The following FCHSD2 variants were observed in gnomAD, a reference collection of about 807,000 sequenced individuals.
The protein encoded by FCHSD2 is F-BAR and double SH3 domains protein 2.
In FCHSD2, 38 loss-of-function variants were observed where a neutral mutation model predicts 108.1. The ratio of observed to expected loss-of-function variants is 0.35; its 90% CI spans 0.27 to 0.46. The LOEUF is 0.46. FCHSD2 is among the 20% of genes least tolerant of loss of function. The pLI is 1.00. For synonymous variants in FCHSD2, 279 were observed against 314.7 expected (o/e 0.89, Z 1.20); for missense variants, 751 against 897.8 (o/e 0.84, Z 2.09).
intron 2 of FCHSD2, among the ~76,000 whole-genome samples, chr11:73,101,572 G>A (rs1013649796): frequency 2.0e-5 from 3 of 151,846 alleles, no homozygotes; most frequent in Non-Finnish European, 4.4e-5. Context: ...CGAGTAGCTG[G>A]GGCTACAGAT....
At position 72,921,969 on chromosome 11, in the gene FCHSD2, T is replaced by A. The variant is rs1372458778; in HGVS notation, c.706-19A>T. ...CAAGAGCCTGTAATAGAGGAGTAAA[T>A]AAAAGAAAAAAAATTACAGTAAAGC... On this transcript the variant is annotated intron_variant, in intron 8 of 19. Coordinates refer to ENST00000409418, the MANE Select transcript of FCHSD2 (RefSeq NM_014824.3). 2.6e-6 allele frequency: 4 copies of A among 1,546,796 alleles called. No individual in the cohort carries two copies. The Admixed American group carries it at 5.9e-5, about 23-fold the overall frequency.
intron 1 of FCHSD2, among the ~76,000 whole-genome samples, chr11:73,140,893 AGG>A (rs945846131): frequency 5.9e-5 from 9 of 152,296 alleles, no homozygotes; most frequent in African/African-American, 2.2e-4. Context: ...GACCACCCGG[AGG>A]GGTGGGGGTA....
intron 12 of FCHSD2, among the ~76,000 whole-genome samples, chr11:72,869,917 A>C (rs1235458652): frequency 6.6e-6 from 1 of 152,130 alleles, no homozygotes; most frequent in Non-Finnish European, 1.5e-5. Flanking sequence ...CTGTCTACTG[A>C]GTAAAGAATT....
intron 4 of FCHSD2, among the ~76,000 whole-genome samples, chr11:73,003,735 C>A (rs1857676401): frequency 6.6e-6 from 1 of 151,480 alleles, no homozygotes; most frequent in Admixed American, 6.6e-5. Flanking sequence ...ATCCGCCCGC[C>A]TCGGCCTCCC....
At chr11:73,007,994 C>CAAG (rs1857778293) in intron 4 of FCHSD2, among the ~76,000 whole-genome samples, 1 of 152,174 alleles carries the variant, frequency 6.6e-6, no homozygotes, top group African/African-American at 2.4e-5. Flanking sequence ...CACAGGTCTT[C>CAAG]CCTAGGCTTA....
chr11:72,893,202 A>G (rs927901677), intron 10 of FCHSD2, among the ~76,000 whole-genome samples: 1 of 151,804 alleles, frequency 6.6e-6, no homozygotes, highest in Admixed American at 6.6e-5. Flanking sequence ...GGGTTTTGCT[A>G]TGTTGGCCAG....
intron 2 of FCHSD2, among the ~76,000 whole-genome samples, chr11:73,121,827 A>T (rs550168953): frequency 3.3e-5 from 5 of 152,344 alleles, no homozygotes; most frequent in Non-Finnish European, 7.4e-5. Context: ...CTCCACTCTC[A>T]GAGTTCCTGA....
Position 72,981,803 on chromosome 11 carries a change from A to G in FCHSD2, c.705+2285T>C, listed in dbSNP as rs1205032201. On this transcript the variant is annotated intron_variant, in intron 8 of 19. Coordinates refer to ENST00000409418, the MANE Select transcript of FCHSD2 (RefSeq NM_014824.3). The stretch of plus-strand genomic sequence containing the variant: ...ATAGCCTGGGCAACAAAGTGAGACC[A>G]CGCCTCTGCGAAAATAAAAATTAAG... 2.0e-5 allele frequency among the ~76,000 whole-genome samples: 3 copies of G among 152,346 alleles called. No homozygotes were observed. In the East Asian group the frequency reaches 5.8e-4, roughly 29 times the overall value.
At chr11:72,898,815 C>T (rs1247928956) in intron 10 of FCHSD2, among the ~76,000 whole-genome samples, 1 of 151,738 alleles carries the variant, frequency 6.6e-6, no homozygotes, top group Non-Finnish European at 1.5e-5. Context: ...TTGCAACCTC[C>T]ACCTCCCGGG....
intron 13 of FCHSD2, among the ~76,000 whole-genome samples, chr11:72,859,723 G>A (rs1861520569): frequency 6.6e-6 from 1 of 152,154 alleles, no homozygotes; most frequent in Non-Finnish European, 1.5e-5. Flanking sequence ...GACTTTGGCT[G>A]AGTATTGGTC....
At chr11:72,903,508 C>T (rs189046555) in intron 9 of FCHSD2, among the ~76,000 whole-genome samples, 3 of 152,228 alleles carry the variant, frequency 2.0e-5, no homozygotes, top group Non-Finnish European at 4.4e-5. Context: ...CGTGAGCTAC[C>T]GCGCCCGGCC....
intron 2 of FCHSD2, among the ~76,000 whole-genome samples, chr11:73,108,714 G>A (rs936849574): frequency 9.2e-5 from 14 of 152,078 alleles, no homozygotes; most frequent in Non-Finnish European, 1.8e-4. Context: ...GACTACAGGC[G>A]CCCGCCACCG....
intron 13 of FCHSD2, among the ~76,000 whole-genome samples, chr11:72,863,032 C>T (rs746101129): frequency 6.6e-5 from 10 of 152,106 alleles, no homozygotes; most frequent in Non-Finnish European, 1.3e-4. Flanking sequence ...AAGATACCTT[C>T]TTGCTTTAGC....
At chr11:72,909,950 C>T (rs1855723380) in intron 9 of FCHSD2, among the ~76,000 whole-genome samples, 1 of 148,050 alleles carries the variant, frequency 6.8e-6, no homozygotes, top group African/African-American at 2.5e-5. Context: ...AGTACCTCTG[C>T]CCAGCTGCCC....
chr11:73,053,145 C>CTTT lies in FCHSD2; in HGVS notation c.165+30547_165+30549dup, dbSNP rs771262833. ...ACAGGAGTGAGCCACTGCACCCAGC[C>CTTT]TTTTTTTTTTTTTTTTTTTTTGGTC... On this transcript the variant is annotated intron_variant, in intron 3 of 19. Coordinates refer to ENST00000409418, the MANE Select transcript of FCHSD2 (RefSeq NM_014824.3). Among the ~76,000 whole-genome samples the CTTT allele has an allele frequency of 1.8e-3, 188 of 102,932 alleles. 1 individual carries two copies. The highest frequency in any genetic ancestry group is 6.4e-3 in the African/African-American group (177 of 27,518). 67.5% of individuals were successfully genotyped at this position (102,932 alleles called of 152,430 possible).
At chr11:72,949,528 G>A (rs1404580567) in intron 8 of FCHSD2, among the ~76,000 whole-genome samples, 1 of 152,130 alleles carries the variant, frequency 6.6e-6, no homozygotes, top group Non-Finnish European at 1.5e-5. Context: ...TAGCCATTAA[G>A]TAGTCAGTGC....
intron 12 of FCHSD2, among the ~76,000 whole-genome samples, chr11:72,879,943 G>A (rs1855046241): frequency 6.8e-6 from 1 of 146,390 alleles, no homozygotes; most frequent in South Asian, 2.2e-4. Context: ...AGCTTGACGT[G>A]AGCCGAGATC....
chr11:72,861,116 G>C (rs1244572406), intron 13 of FCHSD2, among the ~76,000 whole-genome samples: 1 of 152,024 alleles, frequency 6.6e-6, no homozygotes, highest in Non-Finnish European at 1.5e-5. Flanking sequence ...ATCAAAAGCT[G>C]ATTCTTCATA....
chr11:72,868,796 T>A (rs1198308078), intron 12 of FCHSD2, among the ~76,000 whole-genome samples: 1 of 152,090 alleles, frequency 6.6e-6, no homozygotes, highest in African/African-American at 2.4e-5. Context: ...CTATCAGTCT[T>A]ACATGGCAAA....
Sources: gnomAD v4.1 joint callset for allele counts (sites outside exome capture counted in the v4.1 genomes callset) on GRCh38, gnomAD v4.1.1 for gene constraint, MANE v1.5 for transcripts, NCBI Gene and HGNC (gene_info 2026-07-23, HGNC 2026-07-21) for gene names.